RBM6: variants seen among roughly 807,000 people sequenced by gnomAD.
RBM6 encodes RNA-binding protein 6.
A neutral mutation model predicts 140.4 loss-of-function variants in RBM6; 23 were observed. The observed-to-expected ratio is 0.16, with a 90% CI of 0.12 to 0.23. RBM6 has a LOEUF of 0.23. Among genes scored for constraint, RBM6 ranks in the 10% least tolerant of loss-of-function variants. The pLI is 1.00. For missense variants in RBM6, 1,139 were observed against 1,386.7 expected (o/e 0.82, Z 2.84); for synonymous variants, 439 against 475.6 (o/e 0.92, Z 1.00).
At chr3:49,977,253 A>G (rs1452194430) in intron 5 of RBM6, among the ~76,000 whole-genome samples, 1 of 152,088 alleles carries the variant, frequency 6.6e-6, no homozygotes, top group African/African-American at 2.4e-5. Flanking sequence ...GACCAATACA[A>G]ACTTCTTTCT....
intron 6 of RBM6, among the ~76,000 whole-genome samples, chr3:50,012,450 C>T (rs200675732): frequency 6.6e-6 from 1 of 151,840 alleles, no homozygotes; most frequent in East Asian, 1.9e-4. Flanking sequence ...CTCCACCTCC[C>T]GGGTTCACGC....
chr3:49,954,013 G>A (rs1262431086), intron 1 of RBM6, among the ~76,000 whole-genome samples: 1 of 151,982 alleles, frequency 6.6e-6, no homozygotes, highest in Non-Finnish European at 1.5e-5. Flanking sequence ...GTGCACATTT[G>A]TAGTCCCAGC....
intron 8 of RBM6, among the ~76,000 whole-genome samples, chr3:50,054,756 C>T (rs963167320): frequency 6.6e-6 from 1 of 151,956 alleles, no homozygotes. Context: ...CCTTGTGACC[C>T]GACCCACCTT....
chr3:49,974,963 A>T (rs1156982287), intron 4 of RBM6, among the ~76,000 whole-genome samples: 1 of 151,412 alleles, frequency 6.6e-6, no homozygotes, highest in Non-Finnish European at 1.5e-5. Context: ...CTGGGATTAC[A>T]TGTGTGAGCC....
At chr3:49,959,524 A>G (rs559683358) in intron 1 of RBM6, among the ~76,000 whole-genome samples, 13 of 147,626 alleles carry the variant, frequency 8.8e-5, no homozygotes, top group African/African-American at 2.8e-4. Context: ...TTTTTGAAAG[A>G]CAGTGTTGCC....
At chr3:50,022,979 T>C (rs1008894620) in intron 6 of RBM6, among the ~76,000 whole-genome samples, 1 of 151,982 alleles carries the variant, frequency 6.6e-6, no homozygotes, top group Non-Finnish European at 1.5e-5. Flanking sequence ...CATACCTGTA[T>C]TCCCAGCTAC....
Position 50,065,088 on chromosome 3 carries a change from C to T in RBM6, c.2644C>T (p.Leu882=). 6.2e-7 allele frequency: 1 copy of T among 1,613,790 alleles called. No homozygotes were observed. The change falls in exon 16 of 21, where the codon CTG becomes TTG. Residue 882 remains leucine (L), a synonymous_variant. Coordinates refer to ENST00000266022, the MANE Select transcript of RBM6 (RefSeq NM_005777.3). ...TGCAGAAGACGTCTTTAAGAAGCCC[C>T]TGCCTCCTACTGTGAAGAAGGAAGA... ...APAEDVFKKP[L]PPTVKKEESP...
chr3:49,991,724 A>G (rs953378173), intron 5 of RBM6, among the ~76,000 whole-genome samples: 3 of 151,980 alleles, frequency 2.0e-5, no homozygotes, highest in Non-Finnish European at 2.9e-5. Context: ...CGTTTAACCC[A>G]TCTCTGCTGT....
chr3:49,955,371 T>C (rs958454673), intron 1 of RBM6, among the ~76,000 whole-genome samples: 1 of 150,924 alleles, frequency 6.6e-6, no homozygotes. Flanking sequence ...AGGGTCTCTA[T>C]TGATGTGCAT....
intron 6 of RBM6, among the ~76,000 whole-genome samples, chr3:50,034,982 C>G (rs1323991069): frequency 2.1e-5 from 3 of 145,948 alleles, no homozygotes. Flanking sequence ...CTCCTCTCCT[C>G]TCCTCTCCTC....
rs2084627264 is a variant in RBM6 at position 49,968,752 on chromosome 3, TGTTGATGGG to T, written c.1323+7_1323+15del. ...AGATGCCCAACGGGACCTTCAGGTA[TGTTGATGGG>T]GTGGATTGCTTTTTTTTTTTTTTTT... On this transcript the variant is annotated splice_donor_5th_base_variant and intron_variant, in intron 3 of 20. Coordinates refer to ENST00000266022, the MANE Select transcript of RBM6 (RefSeq NM_005777.3). 6.3e-7 allele frequency: 1 copy of T among 1,588,072 alleles called. No individual in the cohort carries two copies. Among genetic ancestry groups the T allele is most frequent in the Non-Finnish European group, 8.6e-7 (1 of 1,168,766 alleles).
chr3:49,956,616 G>A (rs915846064), intron 1 of RBM6, among the ~76,000 whole-genome samples: 1 of 150,718 alleles, frequency 6.6e-6, no homozygotes, highest in African/African-American at 2.4e-5. Flanking sequence ...ATAGGCGTAA[G>A]CCATCACGCC....
chr3:49,950,659 G>T (rs1359172758), intron 1 of RBM6, among the ~76,000 whole-genome samples: 1 of 151,966 alleles, frequency 6.6e-6, no homozygotes, highest in African/African-American at 2.4e-5. Context: ...GGAGACTGAG[G>T]CAGGAGAATC....
intron 6 of RBM6, among the ~76,000 whole-genome samples, chr3:50,030,199 C>G (rs1211030597): frequency 6.7e-6 from 1 of 149,048 alleles, no homozygotes; most frequent in Non-Finnish European, 1.5e-5. Context: ...GGGAGAATCA[C>G]TTGGGCCCAG....
chr3:49,943,088 T>C (rs1265274575), intron 1 of RBM6, among the ~76,000 whole-genome samples: 1 of 152,180 alleles, frequency 6.6e-6, no homozygotes, highest in African/African-American at 2.4e-5. Context: ...ATTTCATTCC[T>C]TTTTAAGGCT....
chr3:49,988,282 C>T (rs2085657517), intron 5 of RBM6, among the ~76,000 whole-genome samples: 1 of 152,070 alleles, frequency 6.6e-6, no homozygotes, highest in Non-Finnish European at 1.5e-5. Context: ...GTAGCTGGGA[C>T]CACAGGTACC....
intron 8 of RBM6, 83 bp from the exon 9 acceptor site, chr3:50,057,645 A>T: frequency 8.7e-7 from 1 of 1,145,266 alleles, no homozygotes; most frequent in Non-Finnish European, 1.2e-6. Context: ...GCAGGTAAGG[A>T]GAAATTACAG....
Position 49,967,750 on chromosome 3 carries a change from G to T in RBM6, c.325G>T (p.Asp109Tyr). ...DFSSSDFQSR[D>Y]SSQLDFRGRD... ...TTCGTCTTCTGATTTCCAGAGCAGA[G>T]ATTCATCACAGTTGGACTTCAGGGG... Residue 109 changes from aspartate (D) to tyrosine (Y), a missense_variant, in exon 3 of 21, where the codon GAT becomes TAT. Asp to Tyr is a radical substitution (Grantham distance 160). Coordinates refer to ENST00000266022, the MANE Select transcript of RBM6 (RefSeq NM_005777.3). The surrounding 1 kb of genome is among the most constrained non-coding windows in gnomAD (Gnocchi z 4.0). The T allele has an allele frequency of 6.2e-7, 1 of 1,614,154 alleles. No homozygotes were observed. The highest frequency in any genetic ancestry group is 8.5e-7 in the Non-Finnish European group (1 of 1,180,038).
intron 5 of RBM6, among the ~76,000 whole-genome samples, chr3:49,998,458 G>A (rs1363727346): frequency 1.3e-5 from 2 of 152,192 alleles, no homozygotes; most frequent in Non-Finnish European, 2.9e-5. Context: ...AGTGGAGGAA[G>A]CATGGAAGCC....
Sources: gnomAD v4.1 joint callset for allele counts (sites outside exome capture counted in the v4.1 genomes callset) on GRCh38, gnomAD v4.1.1 for gene constraint, Gnocchi (gnomAD v3.1) non-coding constraint, MANE v1.5 for transcripts, NCBI Gene and HGNC (gene_info 2026-07-23, HGNC 2026-07-21) for gene names.